The following PCDH7 variants were observed in gnomAD, a reference collection of about 807,000 sequenced individuals.
PCDH7 encodes protocadherin 7.
In PCDH7, 17 loss-of-function variants were observed where a neutral mutation model predicts 58.9. The observed-to-expected ratio is 0.29, with a 90% confidence interval of 0.20 to 0.43. PCDH7 has a LOEUF of 0.43. Among genes scored for constraint, PCDH7 ranks in the 20% least tolerant of loss-of-function variants. PCDH7 has a pLI of 1.00. For missense variants in PCDH7, 1,274 were observed against 1,441.0 expected (o/e 0.88, Z 1.88); for synonymous variants, 664 against 616.4 (o/e 1.08, Z -1.14).
At position 30,775,812 on chromosome 4, in the gene PCDH7, G is replaced by A. The variant is rs983183931; in HGVS notation, c.70+51216G>A. 3.9e-5 allele frequency among the ~76,000 whole-genome samples: 6 copies of A among 152,118 alleles called. No individual in the cohort carries two copies. The East Asian group carries it at 9.7e-4, about 25-fold the overall frequency. ...CTCGGGAGGCTGAGGCAGGTGAATC[G>A]CTTGAACCCAGGAGACAGAGGTTGC... is the stretch of plus-strand genomic sequence containing the variant. On this transcript the variant is annotated intron_variant, in intron 1 of 3. Coordinates refer to the PCDH7 transcript ENST00000509759.
intron 3 of PCDH7, among the ~76,000 whole-genome samples, chr4:31,089,568 A>G (rs1458171047): frequency 1.3e-5 from 2 of 152,204 alleles, no homozygotes; most frequent in Middle Eastern, 3.4e-3. Flanking sequence ...TAAAATATCA[A>G]AAAGAGTTTA....
chr4:30,723,951 T>C lies in PCDH7; in HGVS notation c.2529T>C (p.Val843=). 1 of 1,614,140 alleles carries C rather than the reference T, an allele frequency of 6.2e-7. No individual in the cohort carries two copies. Among genetic ancestry groups the C allele is most frequent in the Non-Finnish European group, 8.5e-7 (1 of 1,180,024 alleles). ...TGCACGTGTTTGTCAATGAAAGTGT[T>C]TCTAATGCAACTGCGATTGACTCCC... The change falls in exon 1 of 2, where the codon GTT becomes GTC. Residue 843 remains valine (V), a synonymous_variant. Coordinates refer to ENST00000361762, the Ensembl canonical transcript of PCDH7. This position sits in a 1 kb window ranked among gnomAD's most constrained non-coding sequence, Gnocchi z 4.6.
intron 3 of PCDH7, among the ~76,000 whole-genome samples, chr4:30,990,263 G>C (rs13133420): frequency 0.059 from 8,912 of 151,508 alleles, 476 homozygotes; most frequent in East Asian, 0.3. Context: ...GCATATATCT[G>C]TCTATGTATC....
intron 1 of PCDH7, among the ~76,000 whole-genome samples, chr4:30,775,043 T>C (rs1721886204): frequency 6.6e-6 from 1 of 152,206 alleles, no homozygotes; most frequent in Non-Finnish European, 1.5e-5. Context: ...TGTCTAAGTC[T>C]ATTTCTGTCT....
chr4:30,953,277 A>AT (rs1329916797), intron 3 of PCDH7, among the ~76,000 whole-genome samples: 1 of 151,870 alleles, frequency 6.6e-6, no homozygotes, highest in African/African-American at 2.4e-5. Context: ...AATAATTTCT[A>AT]TTTTTTTTAA....
At position 30,748,895 on chromosome 4, in the gene PCDH7, T is replaced by A. The variant is rs563290239; in HGVS notation, c.70+24299T>A. Among the ~76,000 whole-genome samples, 5 of 152,236 alleles carry A rather than the reference T, an allele frequency of 3.3e-5. No homozygotes were observed. In the South Asian group the frequency reaches 1.0e-3, roughly 32 times the overall value. ...ACTGAATGGACAGCCTGATGGGTGT[T>A]CTCTGGGACAACTTAAAGGAAATAA... On this transcript the variant is annotated intron_variant, in intron 1 of 3. Transcript: ENST00000509759.
intron 3 of PCDH7, among the ~76,000 whole-genome samples, chr4:30,962,350 T>A (rs1378779539): frequency 6.6e-6 from 1 of 152,210 alleles, no homozygotes; most frequent in Non-Finnish European, 1.5e-5. Flanking sequence ...CAGCTAGACT[T>A]GTTCAAGTTG....
intron 1 of PCDH7, among the ~76,000 whole-genome samples, chr4:30,852,790 G>A (rs1397257263): frequency 1.5e-5 from 2 of 133,776 alleles, no homozygotes; most frequent in African/African-American, 5.9e-5. Flanking sequence ...ATGTGGAGCT[G>A]TCAGAACCAG....
intron 3 of PCDH7, among the ~76,000 whole-genome samples, chr4:31,127,848 T>C (rs1718481423): frequency 6.6e-6 from 1 of 151,986 alleles, no homozygotes; most frequent in South Asian, 2.1e-4. Flanking sequence ...GCAAATGTCA[T>C]AGGATAACAT....
intron 1 of PCDH7, among the ~76,000 whole-genome samples, chr4:30,895,048 C>G (rs1161372326): frequency 6.6e-6 from 1 of 151,540 alleles, no homozygotes; most frequent in Non-Finnish European, 1.5e-5. Flanking sequence ...AGGGTGGCAT[C>G]TATCCTTTCT....
chr4:31,132,033 T>C (rs1424066435), intron 3 of PCDH7, among the ~76,000 whole-genome samples: 1 of 152,164 alleles, frequency 6.6e-6, no homozygotes, highest in African/African-American at 2.4e-5. Context: ...AAATAATAAA[T>C]AGAAAATAAC....
At chr4:30,733,207 T>C (rs1325409123), downstream of PCDH7, among the ~76,000 whole-genome samples, 1 of 152,204 alleles carries the variant, frequency 6.6e-6, no homozygotes, top group East Asian at 1.9e-4. Flanking sequence ...TAGTTTAGCA[T>C]GTGGATATTT....
intron 3 of PCDH7, among the ~76,000 whole-genome samples, chr4:31,068,902 G>A (rs796154671): frequency 7.2e-5 from 11 of 152,054 alleles, no homozygotes; most frequent in African/African-American, 1.7e-4. Context: ...GACTATTTCC[G>A]GAACAGACTT....
At chr4:31,125,680 G>A (rs954255613) in intron 3 of PCDH7, among the ~76,000 whole-genome samples, 12 of 152,138 alleles carry the variant, frequency 7.9e-5, no homozygotes, top group African/African-American at 2.7e-4. Context: ...ATACTTCCTG[G>A]TCATCCAGAG....
intron 1 of PCDH7, chr4:30,793,962 T>C (rs980749713): frequency 6.6e-6 from 1 of 152,226 alleles, no homozygotes; most frequent in Non-Finnish European, 1.5e-5. Flanking sequence ...GAACTCTGCC[T>C]TTGGACAGAC....
intron 3 of PCDH7, among the ~76,000 whole-genome samples, chr4:31,084,171 A>G (rs1712000389): frequency 6.6e-6 from 1 of 152,056 alleles, no homozygotes; most frequent in Non-Finnish European, 1.5e-5. Context: ...TGAGCTGACT[A>G]TATTTAGAAT....
rs149525837 is a variant in PCDH7, at chr4:30,772,480, G to T, written c.70+47884G>T. The stretch of plus-strand genomic sequence containing the variant: ...TGACAACTTCATAGTTCCTGAATTA[G>T]CCTGTTATATGCCTGTTTACCTACA... On this transcript the variant is annotated intron_variant, in intron 1 of 3. Transcript: ENST00000509759. 7.3e-3 allele frequency among the ~76,000 whole-genome samples: 1,109 copies of T among 152,194 alleles called. 12 individuals carry two copies. Among genetic ancestry groups the T allele is most frequent in the African/African-American group, 0.025 (1,026 of 41,514 alleles).
At chr4:30,967,691 C>T (rs1207994323) in intron 3 of PCDH7, among the ~76,000 whole-genome samples, 5 of 152,092 alleles carry the variant, frequency 3.3e-5, no homozygotes, top group East Asian at 1.9e-4. Flanking sequence ...TGTTGACCTA[C>T]GTAAGCCTTC....
At chr4:31,097,843 T>C (rs1335136656) in intron 3 of PCDH7, among the ~76,000 whole-genome samples, 1 of 151,652 alleles carries the variant, frequency 6.6e-6, no homozygotes, top group Non-Finnish European at 1.5e-5. Flanking sequence ...TGTATCTTAA[T>C]TATGAGACTC....
Sources: allele counts gnomAD v4.1 joint callset (sites outside exome capture counted in the v4.1 genomes callset), GRCh38; gene constraint gnomAD v4.1.1; non-coding constraint Gnocchi (gnomAD v3.1); transcripts MANE v1.5; gene names NCBI Gene and HGNC (gene_info 2026-07-23, HGNC 2026-07-21).